NELFB: variants seen among roughly 807,000 people sequenced by gnomAD.
NELFB encodes negative elongation factor complex member B, also known as negative elongation factor B.
In NELFB, 34 loss-of-function variants were observed where a neutral mutation model predicts 60.2. The ratio of observed to expected loss-of-function variants is 0.56; its 90% CI spans 0.43 to 0.75. The LOEUF is 0.75. NELFB is among the 30% of genes least tolerant of loss of function. The probability of loss-of-function intolerance (pLI) is 0.00; values close to 1 mark genes in which losing one functional copy is unlikely to be tolerated. For synonymous variants in NELFB, 459 were observed against 382.1 expected, an observed-to-expected ratio of 1.20 and a Z score of -2.35; for missense variants, 770 against 831.6, an observed-to-expected ratio of 0.93 and a Z score of 0.91.
Position 137,267,325 on chromosome 9 carries a change from C to T in NELFB, c.1468C>T (p.Leu490Phe), listed in dbSNP as rs1346182582. ...CAAGCAGAGGAACAAGAACGCGCTC[C>T]TCCGCCTGCTGCCCGGGCTGGGTAA... The change falls in exon 10 of 13, where the codon CTC becomes TTC. Residue 490 changes from leucine to phenylalanine, a missense_variant. Leu to Phe is a conservative substitution (Grantham distance 22, BLOSUM62 0). Transcript: ENST00000343053. 2.5e-6 allele frequency: 4 copies of T among 1,611,688 alleles called. No homozygotes were observed. Among genetic ancestry groups the T allele is most frequent in the East Asian group, 2.2e-5 (1 of 44,766 alleles).
Position 137,255,863 on chromosome 9 carries a change from C to T in NELFB, c.247-44C>T, listed in dbSNP as rs371374510. 7.2e-5 allele frequency: 115 copies of T among 1,601,556 alleles called. No individual in the cohort carries two copies. The African/African-American group carries it at 1.4e-3, about 20-fold the overall frequency. On this transcript the variant is annotated intron_variant, in intron 1 of 12. Coordinates refer to ENST00000343053, the MANE Select transcript of NELFB (RefSeq NM_015456.5). ...TGTGCTCTCAGGACCTCGGGGTGCCCGGGCGCACTGGGCTGCGTTTGAGGT... is the reference window on the plus strand; with the variant it reads ...TGTGCTCTCAGGACCTCGGGGTGCCTGGGCGCACTGGGCTGCGTTTGAGGT...
At chr9:137,258,573 C>T (rs781195959) in intron 4 of NELFB, among the ~76,000 whole-genome samples, 5 of 150,240 alleles carry the variant, frequency 3.3e-5, no homozygotes, top group Admixed American at 6.6e-5. Context: ...CTCGGCCTCT[C>T]GAGTAGCTGA....
At chr9:137,272,687 C>G in intron 12 of NELFB, 72 bp downstream of exon 12, 1 of 1,528,962 alleles carries the variant, frequency 6.5e-7, no homozygotes, top group South Asian at 1.2e-5. Context: ...CCAAGCTGCC[C>G]TTGTGGTGCT....
At position 137,269,815 on chromosome 9, in the gene NELFB, A is replaced by G. The variant is rs1830561022; in HGVS notation, c.1490-2266A>G. On this transcript the variant is annotated intron_variant, in intron 10 of 12. Coordinates refer to ENST00000343053, the MANE Select transcript of NELFB (RefSeq NM_015456.5). This position sits in a 1 kb window ranked among gnomAD's most constrained non-coding sequence, Gnocchi z 5.3. ...CTCTCATTTGATTGTGGCTAGAAAC[A>G]GGCTGGGAACCAGGAGTGCAGCTTC... Among the ~76,000 whole-genome samples, 1 of 152,200 alleles carries G rather than the reference A, an allele frequency of 6.6e-6. No individual in the cohort carries two copies. The highest frequency in any genetic ancestry group is 2.4e-5 in the African/African-American group (1 of 41,454).
intron 5 of NELFB, among the ~76,000 whole-genome samples, chr9:137,264,003 G>T (rs930765304): frequency 2.9e-4 from 44 of 152,338 alleles, no homozygotes; most frequent in African/African-American, 1.0e-3. Context: ...CACTCAGGGT[G>T]CCATGAAGGA....
intron 4 of NELFB, among the ~76,000 whole-genome samples, chr9:137,262,517 T>C (rs1346881211): frequency 1.3e-5 from 2 of 152,258 alleles, no homozygotes; most frequent in Non-Finnish European, 2.9e-5. Context: ...GCGAGGATTG[T>C]TATAATATTG....
intron 4 of NELFB, among the ~76,000 whole-genome samples, chr9:137,260,473 G>A (rs1313642271): frequency 8.7e-6 from 1 of 115,576 alleles, no homozygotes; most frequent in Non-Finnish European, 1.7e-5. Flanking sequence ...TTTTTTTTGA[G>A]ACGTAGTGTC....
At chr9:137,262,285 C>G (rs980377635) in intron 4 of NELFB, among the ~76,000 whole-genome samples, 1 of 152,186 alleles carries the variant, frequency 6.6e-6, no homozygotes, top group Non-Finnish European at 1.5e-5. Context: ...TGCTAAGTAG[C>G]GGGTGTTGTT....
intron 5 of NELFB, among the ~76,000 whole-genome samples, chr9:137,263,453 T>C (rs1419811990): frequency 6.6e-4 from 42 of 63,674 alleles, no homozygotes; most frequent in African/African-American, 2.4e-3. Flanking sequence ...TCCCCCCAAC[T>C]CCCCGGCCCT....
chr9:137,258,026 A>G (rs1351135207), intron 4 of NELFB, among the ~76,000 whole-genome samples: 1 of 150,976 alleles, frequency 6.6e-6, no homozygotes, highest in African/African-American at 2.4e-5. Flanking sequence ...GCTGGTCTTG[A>G]ACTCCTGGGC....
chr9:137,263,243 T>TC, intron 5 of NELFB, 21 bp downstream of exon 5: 1 of 1,586,640 alleles, frequency 6.3e-7, no homozygotes, highest in Middle Eastern at 1.7e-4. Context: ...CCTCCCTCCT[T>TC]CCCCCCTACC....
rs1830560516 is a variant in NELFB, at chr9:137,269,779, T to A, written c.1490-2302T>A. Among the ~76,000 whole-genome samples, 1 of 152,154 alleles carries A rather than the reference T, an allele frequency of 6.6e-6. No individual in the cohort carries two copies. The highest frequency in any genetic ancestry group is 2.4e-5 in the African/African-American group (1 of 41,418). ...TCACCTGGGAGGCCTTCCGTGCGCT[T>A]CTGTTTCTTTCTCTCATTTGATTGT... On this transcript the variant is annotated intron_variant, in intron 10 of 12. Coordinates refer to ENST00000343053, the MANE Select transcript of NELFB (RefSeq NM_015456.5). This position sits in a 1 kb window ranked among gnomAD's most constrained non-coding sequence, Gnocchi z 5.3.
At chr9:137,266,452 C>T in intron 8 of NELFB, 26 bp downstream of exon 8, 1 of 1,592,526 alleles carries the variant, frequency 6.3e-7, no homozygotes, top group Non-Finnish European at 8.6e-7. Flanking sequence ...TGGGGGCTGC[C>T]AGTTTCCTAC....
intron 12 of NELFB, 74 bp downstream of exon 12, chr9:137,272,689 T>G: frequency 6.5e-7 from 1 of 1,528,958 alleles, no homozygotes; most frequent in Non-Finnish European, 8.8e-7. Flanking sequence ...AAGCTGCCCT[T>G]GTGGTGCTTG....
At chr9:137,257,564 G>C (rs1225719909) in intron 4 of NELFB, among the ~76,000 whole-genome samples, 2 of 149,218 alleles carry the variant, frequency 1.3e-5, no homozygotes, top group African/African-American at 5.0e-5. Flanking sequence ...GTGCAATGGC[G>C]TGATCTCGGC....
rs752793074 is a variant in NELFB at position 137,256,466 on chromosome 9, C to T, written c.510+38C>T. 4.5e-6 allele frequency: 7 copies of T among 1,571,346 alleles called. No homozygotes were observed. In the East Asian group the frequency reaches 1.3e-4, roughly 30 times the overall value. On this transcript the variant is annotated intron_variant, in intron 3 of 12. Transcript: ENST00000343053. The stretch of plus-strand genomic sequence containing the variant: ...CCCTAACCCTGATGGCGTGGACCGT[C>T]CGCCCACTCTCATGCCCTTGGTTAG...
intron 4 of NELFB, among the ~76,000 whole-genome samples, chr9:137,258,910 T>C (rs1230837785): frequency 6.6e-6 from 1 of 152,204 alleles, no homozygotes; most frequent in Non-Finnish European, 1.5e-5. Flanking sequence ...ATGTAATTCA[T>C]GTGAAAGATT....
chr9:137,266,874 G>A, intron 8 of NELFB, 70 bp from the exon 9 acceptor site: 1 of 1,571,178 alleles, frequency 6.4e-7, no homozygotes, highest in Non-Finnish European at 8.6e-7. Flanking sequence ...GGGGCAGGGT[G>A]TGTGTCACGT....
intron 4 of NELFB, among the ~76,000 whole-genome samples, chr9:137,258,857 A>T (rs1837599855): frequency 6.6e-6 from 1 of 152,188 alleles, no homozygotes. Flanking sequence ...AACTTCATTA[A>T]TGTTTTCTTT....
Sources: gnomAD v4.1 joint callset for allele counts (sites outside exome capture counted in the v4.1 genomes callset) on GRCh38, gnomAD v4.1.1 for gene constraint, Gnocchi (gnomAD v3.1) non-coding constraint, MANE v1.5 for transcripts, NCBI Gene and HGNC (gene_info 2026-07-23, HGNC 2026-07-21) for gene names.